Variants in NRP1 observed in about 807,000 individuals in gnomAD.
The protein encoded by NRP1 is neuropilin-1.
Under a neutral mutation model 106.7 loss-of-function variants are expected in NRP1, and 35 were observed. The ratio of observed to expected loss-of-function variants is 0.33; its 90% CI spans 0.25 to 0.43. The LOEUF is 0.43. NRP1 is among the 20% of genes least tolerant of loss of function. The pLI, the probability that NRP1 is intolerant of heterozygous loss-of-function variation, is 1.00. For missense variants in NRP1, 1,024 were observed against 1,170.4 expected (o/e 0.87, Z 1.83); for synonymous variants, 437 against 417.9 (o/e 1.05, Z -0.56).
chr10:33,201,300 G>A (rs1837285375), intron 11 of NRP1: 1 of 152,220 alleles, frequency 6.6e-6, no homozygotes, highest in African/African-American at 2.4e-5. Context: ...GTTCTGATAT[G>A]AGGAGTAAAT....
chr10:33,238,336 G>A (rs187819147), intron 6 of NRP1, among the ~76,000 whole-genome samples: 65 of 152,250 alleles, frequency 4.3e-4, no homozygotes, highest in African/African-American at 1.2e-3. Context: ...CACTGTTCTC[G>A]CCTCAAACAT....
At chr10:33,309,470 T>C (rs903092585) in intron 2 of NRP1, among the ~76,000 whole-genome samples, 2 of 152,246 alleles carry the variant, frequency 1.3e-5, no homozygotes, top group Non-Finnish European at 2.9e-5. Flanking sequence ...CAATGCTGAA[T>C]GTCTGTGTTA....
At chr10:33,303,109 A>G (rs1315176526) in intron 2 of NRP1, among the ~76,000 whole-genome samples, 1 of 152,206 alleles carries the variant, frequency 6.6e-6, no homozygotes, top group African/African-American at 2.4e-5. Context: ...ATTTATTTCT[A>G]GTTAATCACA....
chr10:33,328,897 C>CA (rs1194629627), intron 2 of NRP1, among the ~76,000 whole-genome samples: 9 of 152,146 alleles, frequency 5.9e-5, no homozygotes, highest in Non-Finnish European at 1.0e-4. Context: ...TCATGATTTC[C>CA]AGATTAGAAA....
chr10:33,240,917 A>G (rs1840963633), intron 6 of NRP1, among the ~76,000 whole-genome samples: 2 of 152,204 alleles, frequency 1.3e-5, no homozygotes, highest in South Asian at 4.1e-4. Flanking sequence ...GATGAAGTGA[A>G]CTTCTCAATT....
At chr10:33,256,295 G>C in intron 5 of NRP1, 21 bp downstream of exon 5, 1 of 1,612,326 alleles carries the variant, frequency 6.2e-7, no homozygotes, top group Non-Finnish European at 8.5e-7. Context: ...ACAGGGCTTT[G>C]CAAAATGAAT....
chr10:33,237,478 C>G (rs778744652), intron 6 of NRP1, among the ~76,000 whole-genome samples: 1 of 122,488 alleles, frequency 8.2e-6, no homozygotes, highest in Non-Finnish European at 1.7e-5. Flanking sequence ...AAGAAACACA[C>G]ATGCGCGCGC....
In NRP1 at chr10:33,263,695, C is replaced by T. The variant is rs748335185; in HGVS notation, c.609G>A (p.Gly203=). Residue 203 remains glycine, a synonymous_variant, in exon 4 of 17, where the codon GGG becomes GGA. Transcript: ENST00000374867. Reference sequence around the variant, plus strand: ...CTAGCCGGTCGTAGCGACAGAACATCCCCCCTGGAGGATTTGAGTCAGGCT... The same window carrying T: ...CTAGCCGGTCGTAGCGACAGAACATTCCCCCTGGAGGATTTGAGTCAGGCT... The part of the protein sequence containing the change: ...DLEPDSNPPG[G]MFCRYDRLEI... 13 of 1,613,814 alleles carry T rather than the reference C, an allele frequency of 8.1e-6. No individual in the cohort carries two copies. The African/African-American group carries it at 1.5e-4, about 18-fold the overall frequency.
intron 2 of NRP1, among the ~76,000 whole-genome samples, chr10:33,280,244 T>C (rs1844017903): frequency 6.6e-6 from 1 of 152,182 alleles, no homozygotes; most frequent in Admixed American, 6.5e-5. Context: ...CATGGGAAAA[T>C]ATTTCTCTGA....
chr10:33,301,751 A>T (rs906203761), intron 2 of NRP1, among the ~76,000 whole-genome samples: 1 of 152,148 alleles, frequency 6.6e-6, no homozygotes, highest in South Asian at 2.1e-4. Context: ...AAGAAAAAAA[A>T]GTTTTTGGAG....
chr10:33,184,621 TATC>T (rs1835889582), intron 15 of NRP1, among the ~76,000 whole-genome samples: 1 of 152,194 alleles, frequency 6.6e-6, no homozygotes, highest in Admixed American at 6.5e-5. Context: ...TATTAAGCCT[TATC>T]ATTCTTGTGA....
intron 2 of NRP1, among the ~76,000 whole-genome samples, chr10:33,325,200 C>T (rs868383680): frequency 3.3e-5 from 5 of 152,078 alleles, no homozygotes; most frequent in South Asian, 2.1e-4. Flanking sequence ...ATATATTCTT[C>T]TCTATTTCAT....
intron 2 of NRP1, among the ~76,000 whole-genome samples, chr10:33,293,182 A>G (rs534991821): frequency 5.3e-4 from 81 of 152,300 alleles, no homozygotes; most frequent in Admixed American, 7.2e-4. Context: ...ATTTTTTCAG[A>G]TGAGGTAAGA....
At chr10:33,195,570 C>G (rs565299485) in intron 12 of NRP1, 1 of 533,410 alleles carries the variant, frequency 1.9e-6, no homozygotes, top group African/African-American at 1.9e-5. Flanking sequence ...CTTGAAGAAT[C>G]TGGAGCCTGC....
At chr10:33,301,004 G>T (rs1481062865) in intron 2 of NRP1, among the ~76,000 whole-genome samples, 1 of 152,110 alleles carries the variant, frequency 6.6e-6, no homozygotes, top group Non-Finnish European at 1.5e-5. Flanking sequence ...TCAGATTTTT[G>T]GGGTTCATAC....
At chr10:33,279,423 G>T (rs1005971358) in intron 2 of NRP1, among the ~76,000 whole-genome samples, 3 of 152,164 alleles carry the variant, frequency 2.0e-5, no homozygotes, top group Admixed American at 2.0e-4. Context: ...GCTGCCAGCT[G>T]GGGGTGCTCC....
chr10:33,267,287 G>A (rs1842986806), intron 3 of NRP1, among the ~76,000 whole-genome samples: 1 of 152,132 alleles, frequency 6.6e-6, no homozygotes, highest in South Asian at 2.1e-4. Flanking sequence ...GAGAACACAG[G>A]AGATGAGAAT....
At chr10:33,256,588 G>T in intron 4 of NRP1, 117 bp from the exon 5 acceptor site, 1 of 1,097,978 alleles carries the variant, frequency 9.1e-7, no homozygotes, top group Non-Finnish European at 1.3e-6. Flanking sequence ...CTAACCCAAA[G>T]CAAGGCTTCC....
intron 10 of NRP1, among the ~76,000 whole-genome samples, chr10:33,206,764 TG>T (rs1837818687): frequency 6.6e-6 from 1 of 152,190 alleles, no homozygotes; most frequent in Non-Finnish European, 1.5e-5. Flanking sequence ...CTAAGGCAGA[TG>T]GGGATTCTAG....
Sources: allele counts gnomAD v4.1 joint callset (sites outside exome capture counted in the v4.1 genomes callset), GRCh38; gene constraint gnomAD v4.1.1; transcripts MANE v1.5; gene names NCBI Gene and HGNC (gene_info 2026-07-23, HGNC 2026-07-21).